The following DOT1L variants were observed in gnomAD, a reference collection of about 807,000 sequenced individuals.
The protein encoded by DOT1L is DOT1 like histone lysine methyltransferase.
In DOT1L, 33 loss-of-function variants were observed where a neutral mutation model predicts 153.3. The ratio of observed to expected loss-of-function variants is 0.22; its 90% confidence interval spans 0.16 to 0.29. DOT1L has a LOEUF of 0.29. Ranked by LOEUF, DOT1L falls within the 10% of genes least tolerant of loss-of-function variation. The probability of loss-of-function intolerance (pLI) is 1.00; values close to 1 mark genes in which losing one functional copy is unlikely to be tolerated. For synonymous variants in DOT1L, 1,135 were observed against 965.1 expected, an observed-to-expected ratio of 1.18 and a Z score of -3.26; for missense variants, 1,847 against 2,119.9, an observed-to-expected ratio of 0.87 and a Z score of 2.53.
Position 2,216,988 on chromosome 19 carries a change from C to T in DOT1L, c.2442C>T (p.Tyr814=), listed in dbSNP as rs747550561. 1.2e-6 allele frequency: 2 copies of T among 1,613,088 alleles called. No homozygotes were observed. The highest frequency in any genetic ancestry group is 1.7e-6 in the Non-Finnish European group (2 of 1,179,846). The change falls in exon 21 of 28, where the codon TAC becomes TAT. Residue 814 remains tyrosine, a synonymous_variant. Transcript: ENST00000398665. ...ACACCAAGGAGAACGGCCTTCCCTA[C>T]CAGAGCCCCAGCGTGCCTGGCAGCA... is the stretch of plus-strand genomic sequence containing the variant. ...AEHTKENGLP[Y]QSPSVPGSMK...
chr19:2,211,871 C>T (rs916337267), intron 16 of DOT1L, 29 bp downstream of exon 16: 46 of 1,540,674 alleles, frequency 3.0e-5, no homozygotes, highest in African/African-American at 4.1e-5. Context: ...GGCATTCCGC[C>T]TTCCCGCACA....
intron 3 of DOT1L, among the ~76,000 whole-genome samples, chr19:2,189,488 CCTCAGGG>C (rs2022695849): frequency 6.6e-6 from 1 of 152,254 alleles, no homozygotes; most frequent in African/African-American, 2.4e-5. Context: ...GTCCAGACTG[CCTCAGGG>C]CTCAGTGCTT....
intron 27 of DOT1L, chr19:2,228,742 C>T (rs905360892): frequency 2.0e-6 from 2 of 985,438 alleles, no homozygotes; most frequent in Middle Eastern, 5.2e-4. Flanking sequence ...GCTCCATCCG[C>T]ACCAGGCCCA....
At chr19:2,203,473 T>C (rs2023374575) in intron 9 of DOT1L, among the ~76,000 whole-genome samples, 1 of 152,202 alleles carries the variant, frequency 6.6e-6, no homozygotes, top group South Asian at 2.1e-4. Flanking sequence ...GAGTCCCCTT[T>C]ATTCTTGACC....
At position 2,222,386 on chromosome 19, in the gene DOT1L, G is replaced by A. The variant is rs762437217; in HGVS notation, c.3217G>A (p.Gly1073Arg). 2.5e-6 allele frequency: 4 copies of A among 1,611,288 alleles called. No individual in the cohort carries two copies. In the South Asian group the frequency reaches 4.4e-5, roughly 18 times the overall value. ...CAGCCCCCTGACCGCCAGCGCCCGT[G>A]GGGACTGTGTGCCGAGCCACGGGCA... ...KHSPLTASAR[G>R]DCVPSHGQDS... The change falls in exon 24 of 28, where the codon GGG (glycine) becomes AGG (arginine). Residue 1073 changes from glycine to arginine, a missense_variant. Gly to Arg is a moderately radical substitution (Grantham distance 125). Transcript: ENST00000398665. This position sits in a 1 kb window ranked among gnomAD's most constrained non-coding sequence, Gnocchi z 6.5.
chr19:2,178,104 G>C (rs971495520), intron 1 of DOT1L, among the ~76,000 whole-genome samples: 1 of 136,584 alleles, frequency 7.3e-6, no homozygotes, highest in Non-Finnish European at 1.6e-5. Context: ...TTTTTTTTTT[G>C]TATTTTTCAT....
intron 6 of DOT1L, among the ~76,000 whole-genome samples, chr19:2,194,033 G>A (rs924215751): frequency 6.6e-6 from 1 of 152,216 alleles, no homozygotes; most frequent in African/African-American, 2.4e-5. Context: ...CTGTTTCATG[G>A]CACGTGCCAC....
At chr19:2,218,739 C>T (rs947333480) in intron 22 of DOT1L, among the ~76,000 whole-genome samples, 3 of 151,964 alleles carry the variant, frequency 2.0e-5, no homozygotes, top group African/African-American at 4.8e-5. Flanking sequence ...TTCTGTCCCC[C>T]AGGCTGGAGT....
chr19:2,229,043 G>A, intron 27 of DOT1L: 8 of 985,464 alleles, frequency 8.1e-6, no homozygotes, highest in Non-Finnish European at 9.6e-6. Context: ...CTGCCCTGTG[G>A]TCATGGCCCA....
rs991072234 is a variant in DOT1L, at chr19:2,191,431, A to G, written c.493+191A>G. 1.6e-6 allele frequency: 1 copy of G among 631,568 alleles called. No homozygotes were observed. The highest frequency in any genetic ancestry group is 2.7e-6 in the Non-Finnish European group (1 of 365,566). 39.1% of individuals were successfully genotyped at this position (631,568 alleles called of 1,614,324 possible). ...CCAGCCCTGACCGGGCTCCACCCAG[A>G]GGGGAGAAATCGCAGGAACCCAGTG... On this transcript the variant is annotated intron_variant, in intron 5 of 27. Coordinates refer to ENST00000398665, the MANE Select transcript of DOT1L (RefSeq NM_032482.3). The surrounding 1 kb of genome is among the most constrained non-coding windows in gnomAD (Gnocchi z 6.8).
In DOT1L at chr19:2,190,642, G is replaced by A. The variant is rs1017402122; in HGVS notation, c.265-370G>A. Among the ~76,000 whole-genome samples the A allele has an allele frequency of 2.6e-5, 4 of 152,040 alleles. No individual in the cohort carries two copies. Among genetic ancestry groups the A allele is most frequent in the African/African-American group, 7.2e-5 (3 of 41,394 alleles). Reference sequence around the variant, plus strand: ...TAGGCTCAGGGCTTTCACGGGGCTCGTGGCACCTGACGGGGGTCCCTTGGT... The same window carrying A: ...TAGGCTCAGGGCTTTCACGGGGCTCATGGCACCTGACGGGGGTCCCTTGGT... On this transcript the variant is annotated intron_variant, in intron 4 of 27. Coordinates refer to ENST00000398665, the MANE Select transcript of DOT1L (RefSeq NM_032482.3). The surrounding 1 kb of genome is among the most constrained non-coding windows in gnomAD (Gnocchi z 4.8).
intron 5 of DOT1L, among the ~76,000 whole-genome samples, chr19:2,192,600 A>G (rs140042030): frequency 0.028 from 4,161 of 150,716 alleles, 185 homozygotes; most frequent in African/African-American, 0.094. Context: ...TTGAACTTTG[A>G]AGGCGGAGGT....
In DOT1L at chr19:2,232,368, G is replaced by A; in HGVS notation, c.*2576G>A. The A allele has an allele frequency of 4.6e-6, 1 of 217,652 alleles. No homozygotes were observed. The highest frequency in any genetic ancestry group is 9.2e-6 in the Non-Finnish European group (1 of 109,044). The allele number at this position is 217,652 out of a possible 1,614,324, so 13.5% of individuals were successfully genotyped here. A position where few individuals can be genotyped will look rare whatever the true frequency, so the allele number is the denominator to read the frequency against. On this transcript the variant is annotated 3_prime_UTR_variant, in exon 28 of 28. Transcript: ENST00000398665. Reference sequence around the variant, plus strand: ...CCCGCCGACTGCCCTCGCCATCGTGGTCAGACCCCCCTCCCAACACAACAC... The same window carrying A: ...CCCGCCGACTGCCCTCGCCATCGTGATCAGACCCCCCTCCCAACACAACAC...
chr19:2,214,095 G>A, intron 18 of DOT1L, 109 bp downstream of exon 18: 1 of 1,473,384 alleles, frequency 6.8e-7, no homozygotes, highest in Non-Finnish European at 9.0e-7. Context: ...TCTGTTGTGG[G>A]GTTTGTTCCC....
intron 7 of DOT1L, 67 bp from the exon 8 acceptor site, chr19:2,199,815 CAG>C: frequency 7.1e-7 from 1 of 1,415,866 alleles, no homozygotes; most frequent in Non-Finnish European, 9.5e-7. Flanking sequence ...TCTTTCTTCA[CAG>C]GGGCTGGGCG....
At chr19:2,210,953 G>A in intron 14 of DOT1L, 98 bp downstream of exon 14, 1 of 1,498,114 alleles carries the variant, frequency 6.7e-7, no homozygotes, top group Non-Finnish European at 9.1e-7. Context: ...CGTGTGTTCA[G>A]GGTGTCCCTG....
chr19:2,212,069 C>G (rs2023733631), intron 16 of DOT1L: 1 of 533,084 alleles, frequency 1.9e-6, no homozygotes, highest in Non-Finnish European at 3.4e-6. Context: ...TTTGCAAGAC[C>G]TGGTGTCTGA....
chr19:2,229,138 G>C (rs560608734), intron 27 of DOT1L: 2 of 985,410 alleles, frequency 2.0e-6, no homozygotes, highest in East Asian at 2.3e-4. Context: ...AGACCAGAAG[G>C]AAGTTGGAAG....
chr19:2,169,348 G>A (rs1028236104), intron 1 of DOT1L, among the ~76,000 whole-genome samples: 2 of 152,126 alleles, frequency 1.3e-5, no homozygotes, highest in East Asian at 3.8e-4. Flanking sequence ...TAAATAGGAA[G>A]GAATAATAGA....
Sources: gnomAD v4.1 joint callset for allele counts (sites outside exome capture counted in the v4.1 genomes callset) on GRCh38, gnomAD v4.1.1 for gene constraint, Gnocchi (gnomAD v3.1) non-coding constraint, MANE v1.5 for transcripts, NCBI Gene and HGNC (gene_info 2026-07-23, HGNC 2026-07-21) for gene names.